The following MYO1B variants were observed in gnomAD, a reference collection of about 807,000 sequenced individuals.
The protein encoded by MYO1B is myosin IB.
Under a neutral mutation model 159.7 loss-of-function variants are expected in MYO1B, and 72 were observed. The ratio of observed to expected loss-of-function variants is 0.45; its 90% CI spans 0.37 to 0.55. The LOEUF is 0.55. Among genes scored for constraint, MYO1B ranks in the 20% least tolerant of loss-of-function variants. The pLI is 0.00. For missense variants in MYO1B, 1,062 were observed against 1,364.8 expected (o/e 0.78, Z 3.50); for synonymous variants, 468 against 473.8 (o/e 0.99, Z 0.16).
chr2:191,293,605 G>C (rs1463972855), intron 2 of MYO1B, among the ~76,000 whole-genome samples: 2 of 152,130 alleles, frequency 1.3e-5, no homozygotes, highest in African/African-American at 2.4e-5. Flanking sequence ...ATGTTGCCAT[G>C]GCATTTGTAA....
chr2:191,247,814 C>G, intron 1 of MYO1B: 1 of 408,796 alleles, frequency 2.4e-6, no homozygotes, highest in Non-Finnish European at 3.3e-6. Flanking sequence ...AGTGGCTGGT[C>G]TCTGGTCTCT....
chr2:191,365,477 G>A (rs1042790701), intron 11 of MYO1B, among the ~76,000 whole-genome samples: 3 of 152,140 alleles, frequency 2.0e-5, no homozygotes, highest in African/African-American at 7.2e-5. Flanking sequence ...ATGGAAATTT[G>A]GTTTGTAGCA....
At chr2:191,268,671 C>T (rs949088641) in intron 1 of MYO1B, among the ~76,000 whole-genome samples, 1 of 152,340 alleles carries the variant, frequency 6.6e-6, no homozygotes, top group Non-Finnish European at 1.5e-5. Flanking sequence ...CACCATGCTT[C>T]ATTCTTCTCT....
chr2:191,360,751 G>GTGTTGGTGT (rs1553552027), intron 8 of MYO1B, 22 bp downstream of exon 8: 13 of 1,118,208 alleles, frequency 1.2e-5, no homozygotes, highest in Admixed American at 6.0e-5. Context: ...TTTCTATGTG[G>GTGTTGGTGT]TGTTGTTGTT....
At chr2:191,382,137 A>C (rs562067436) in intron 14 of MYO1B, among the ~76,000 whole-genome samples, 1 of 152,208 alleles carries the variant, frequency 6.6e-6, no homozygotes, top group Non-Finnish European at 1.5e-5. Flanking sequence ...TAAAATAGCC[A>C]GTCTTTTTTC....
At chr2:191,409,554 T>C (rs1415112446) in intron 26 of MYO1B, among the ~76,000 whole-genome samples, 2 of 152,216 alleles carry the variant, frequency 1.3e-5, no homozygotes, top group African/African-American at 4.8e-5. Flanking sequence ...CATAGTTAAA[T>C]CCTGCAAATT....
intron 3 of MYO1B, among the ~76,000 whole-genome samples, chr2:191,329,269 G>C (rs1297854809): frequency 6.6e-6 from 1 of 152,098 alleles, no homozygotes; most frequent in Non-Finnish European, 1.5e-5. Context: ...TGGGAGGCTT[G>C]GGCTGGACAA....
intron 13 of MYO1B, among the ~76,000 whole-genome samples, chr2:191,380,098 T>C (rs1694952744): frequency 6.6e-6 from 1 of 152,214 alleles, no homozygotes; most frequent in Non-Finnish European, 1.5e-5. Flanking sequence ...TATATTCACA[T>C]GTGTTATTTA....
At chr2:191,334,452 C>G (rs1691695799) in intron 4 of MYO1B, among the ~76,000 whole-genome samples, 1 of 152,140 alleles carries the variant, frequency 6.6e-6, no homozygotes, top group Admixed American at 6.6e-5. Context: ...AACTACCACC[C>G]TATTTCTCTG....
rs1317338555 is a variant in MYO1B at position 191,408,046 on chromosome 2, A to G, written c.2557-69A>G. On this transcript the variant is annotated intron_variant, in intron 24 of 30. Transcript: ENST00000392318. The stretch of plus-strand genomic sequence containing the variant: ...TGTTTGACATTTTTTCATTTTTAAT[A>G]GAGGTGTATCATTATGGACCTGTAC... The G allele has an allele frequency of 5.2e-6, 5 of 958,024 alleles. No individual in the cohort carries two copies. The Admixed American group carries it at 8.5e-5, about 16-fold the overall frequency. The allele number at this position is 958,024 out of a possible 1,614,324, so 59.3% of individuals were successfully genotyped here.
At position 191,362,313 on chromosome 2, in the gene MYO1B, G is replaced by C. The variant is rs1431047712; in HGVS notation, c.707G>C (p.Ser236Thr). ...GATTTCAGCAGGTATAACTACCTGA[G>C]TCTGGATTCGGCCAAAGTGAATGGA... ...ERDFSRYNYLSLDSAKVNGVD... is the reference protein window; with the variant it reads ...ERDFSRYNYLTLDSAKVNGVD... Residue 236 changes from serine to threonine, a missense_variant, in exon 9 of 31, where the codon AGT becomes ACT. Ser to Thr is a moderately conservative substitution (Grantham distance 58). This residue lies in a region of MYO1B where 415 missense variants were observed against 544.0 expected (regional missense o/e 0.76). Transcript: ENST00000392318. 2 of 1,613,898 alleles carry C rather than the reference G, an allele frequency of 1.2e-6. No individual in the cohort carries two copies.
In MYO1B at chr2:191,383,469, TATATACACACAC is replaced by T. The variant is rs1441521043; in HGVS notation, c.1353+129_1353+140del. 6.1e-3 allele frequency: 127 copies of T among 20,916 alleles called. 2 individuals carry two copies. Among genetic ancestry groups the T allele is most frequent in the Admixed American group, 0.024 (29 of 1,188 alleles). The allele number at this position is 20,916 out of a possible 1,614,324, so 1.3% of individuals were successfully genotyped here. A position where few individuals can be genotyped will look rare whatever the true frequency, so the allele number is the denominator to read the frequency against. On this transcript the variant is annotated intron_variant, in intron 15 of 30. Transcript: ENST00000392318. The stretch of plus-strand genomic sequence containing the variant: ...TTTTTTATATATATATATATATATA[TATATACACACAC>T]ACATATATATGTGTATATATATATA...
At chr2:191,363,611 T>C (rs760663137) in intron 9 of MYO1B, 117 bp from the exon 10 acceptor site, 31 of 1,343,970 alleles carry the variant, frequency 2.3e-5, no homozygotes, top group Middle Eastern at 2.6e-4. Context: ...ACTGAAGATA[T>C]AGCTTTGTCT....
At chr2:191,378,072 A>AG (rs1293407463) in intron 13 of MYO1B, among the ~76,000 whole-genome samples, 2 of 151,638 alleles carry the variant, frequency 1.3e-5, no homozygotes, top group African/African-American at 4.9e-5. Flanking sequence ...AGTTTTTGTT[A>AG]TTAGGGCATC....
intron 3 of MYO1B, among the ~76,000 whole-genome samples, chr2:191,327,650 A>G (rs1260448181): frequency 6.6e-6 from 1 of 152,212 alleles, no homozygotes; most frequent in Non-Finnish European, 1.5e-5. Context: ...CTGGGGAATC[A>G]GAATGTGAGA....
chr2:191,292,805 C>G (rs1207065165), intron 2 of MYO1B, among the ~76,000 whole-genome samples: 8 of 151,288 alleles, frequency 5.3e-5, no homozygotes, highest in African/African-American at 2.0e-4. Flanking sequence ...TGCCATGTAA[C>G]AAACTACCTC....
chr2:191,339,871 T>C (rs1232073109), intron 4 of MYO1B, among the ~76,000 whole-genome samples: 1 of 152,202 alleles, frequency 6.6e-6, no homozygotes, highest in Non-Finnish European at 1.5e-5. Context: ...GGCAGTGTGC[T>C]CAAAGTGGCA....
In MYO1B at chr2:191,364,427, G is replaced by C. The variant is rs1432775763; in HGVS notation, c.1032+151G>C. 4.8e-5 allele frequency: 30 copies of C among 630,026 alleles called. No homozygotes were observed. The East Asian group carries it at 8.5e-4, about 18-fold the overall frequency. The allele number at this position is 630,026 out of a possible 1,614,324, so 39.0% of individuals were successfully genotyped here. On this transcript the variant is annotated intron_variant, in intron 11 of 30. Transcript: ENST00000392318. The stretch of plus-strand genomic sequence containing the variant: ...ACAGAGCAGTAAACTAAACAGATAA[G>C]GATCCCTGCCCTCATGGAGCTTAAA...
intron 27 of MYO1B, among the ~76,000 whole-genome samples, chr2:191,411,639 C>G (rs1697255135): frequency 6.6e-6 from 1 of 152,142 alleles, no homozygotes; most frequent in African/African-American, 2.4e-5. Flanking sequence ...TTGAGTGTTG[C>G]TTGAGCACTG....
Sources: gnomAD v4.1 joint callset for allele counts (sites outside exome capture counted in the v4.1 genomes callset) on GRCh38, gnomAD v4.1.1 for gene constraint, gnomAD v4.1.1 regional missense constraint, MANE v1.5 for transcripts, NCBI Gene and HGNC (gene_info 2026-07-23, HGNC 2026-07-21) for gene names.